UHRF2: variants seen among roughly 807,000 people sequenced by gnomAD.
The protein encoded by UHRF2 is E3 ubiquitin-protein ligase UHRF2.
In UHRF2, 23 loss-of-function variants were observed where a neutral mutation model predicts 96.8. The ratio of observed to expected loss-of-function variants is 0.24; its 90% confidence interval spans 0.17 to 0.34. UHRF2 has a LOEUF of 0.34. Among genes scored for constraint, UHRF2 ranks in the 10% least tolerant of loss-of-function variants. The pLI, the probability that UHRF2 is intolerant of heterozygous loss-of-function variation, is 1.00. For synonymous variants in UHRF2, 385 were observed against 332.6 expected, an observed-to-expected ratio of 1.16 and a Z score of -1.72; for missense variants, 685 against 981.5, an observed-to-expected ratio of 0.70 and a Z score of 4.04.
At chr9:6,488,076 A>G (rs1022654957) in intron 9 of UHRF2, among the ~76,000 whole-genome samples, 2 of 151,006 alleles carry the variant, frequency 1.3e-5, no homozygotes, top group African/African-American at 2.4e-5. Context: ...CCCTGTCCCT[A>G]CCAAAAAAAC....
intron 3 of UHRF2, among the ~76,000 whole-genome samples, chr9:6,445,126 T>A (rs62566133): frequency 6.9e-3 from 4 of 578 alleles, no homozygotes; most frequent in African/African-American, 0.019. Flanking sequence ...CCCTATCTCT[T>A]ATTTAAAAAA....
At chr9:6,488,433 C>T (rs2130933274) in intron 9 of UHRF2, among the ~76,000 whole-genome samples, 1 of 151,386 alleles carries the variant, frequency 6.6e-6, no homozygotes, top group African/African-American at 2.4e-5. Flanking sequence ...TTTATATTAC[C>T]ACAGTTTCCA....
At chr9:6,505,716 G>T (rs145479628) in intron 15 of UHRF2, among the ~76,000 whole-genome samples, 29 of 152,308 alleles carry the variant, frequency 1.9e-4, no homozygotes, top group Admixed American at 4.6e-4. Context: ...GTTTAGAAAG[G>T]ACAGGGTTGA....
intron 2 of UHRF2, among the ~76,000 whole-genome samples, chr9:6,429,263 A>T (rs925712210): frequency 6.6e-6 from 1 of 152,150 alleles, no homozygotes; most frequent in Non-Finnish European, 1.5e-5. Flanking sequence ...TTACCTGTGT[A>T]TCTCTTGAGC....
chr9:6,477,878 A>G lies in UHRF2; in HGVS notation c.1160+70A>G, dbSNP rs183721037. Reference sequence around the variant, plus strand: ...CATGAAATATGTATTTGAACCACCAAAAGTAGATTTCTAAAGATACATAAT... The same window carrying G: ...CATGAAATATGTATTTGAACCACCAGAAGTAGATTTCTAAAGATACATAAT... On this transcript the variant is annotated intron_variant, in intron 6 of 15. Coordinates refer to ENST00000276893, the MANE Select transcript of UHRF2 (RefSeq NM_152896.3). The G allele has an allele frequency of 8.3e-5, 112 of 1,354,626 alleles. No homozygotes were observed. In the East Asian group the frequency reaches 2.2e-3, roughly 27 times the overall value. 83.9% of individuals were successfully genotyped at this position (1,354,626 alleles called of 1,614,324 possible). A position where few individuals can be genotyped will look rare whatever the true frequency, so the allele number is the denominator to read the frequency against.
intron 6 of UHRF2, among the ~76,000 whole-genome samples, chr9:6,478,065 A>G (rs13291472): frequency 0.31 from 47,217 of 152,018 alleles, 9,527 homozygotes; most frequent in African/African-American, 0.57. Flanking sequence ...AAATCTGATC[A>G]TGTTGCTTTG....
At chr9:6,461,583 G>C (rs1822546876) in intron 4 of UHRF2, among the ~76,000 whole-genome samples, 1 of 151,778 alleles carries the variant, frequency 6.6e-6, no homozygotes, top group Non-Finnish European at 1.5e-5. Flanking sequence ...ATGTTGGCCA[G>C]GCTGGTCTCG....
At chr9:6,440,432 A>G (rs530392767) in intron 3 of UHRF2, among the ~76,000 whole-genome samples, 2 of 152,226 alleles carry the variant, frequency 1.3e-5, no homozygotes, top group African/African-American at 4.8e-5. Context: ...TCAAGAGCCC[A>G]AGAGTTAACC....
At chr9:6,500,487 T>C (rs1816228202) in intron 13 of UHRF2, 65 bp from the exon 14 acceptor site, 3 of 1,407,614 alleles carry the variant, frequency 2.1e-6, no homozygotes, top group Middle Eastern at 2.6e-4. Flanking sequence ...AGTTAACTCT[T>C]TTGTTTCATA....
chr9:6,469,435 C>G (rs10975599), intron 4 of UHRF2, among the ~76,000 whole-genome samples: 2 of 151,708 alleles, frequency 1.3e-5, no homozygotes, highest in Non-Finnish European at 2.9e-5. Flanking sequence ...GGAGAATCAC[C>G]TGAACCTGGG....
At chr9:6,417,792 T>C (rs906804640) in intron 1 of UHRF2, among the ~76,000 whole-genome samples, 3 of 152,212 alleles carry the variant, frequency 2.0e-5, no homozygotes, top group African/African-American at 7.2e-5. Flanking sequence ...ACGACATTTT[T>C]TCCTGTCAAA....
intron 14 of UHRF2, among the ~76,000 whole-genome samples, chr9:6,502,058 T>C (rs1230138785): frequency 2.6e-5 from 4 of 152,206 alleles, no homozygotes; most frequent in Admixed American, 2.6e-4. Flanking sequence ...CCTGGACAAG[T>C]TTCATGCCCA....
chr9:6,475,207 G>C (rs1350229241), intron 4 of UHRF2, among the ~76,000 whole-genome samples, 184 bp from the exon 5 acceptor site: 1 of 152,102 alleles, frequency 6.6e-6, no homozygotes, highest in Non-Finnish European at 1.5e-5. Flanking sequence ...CACTATGAAT[G>C]TTAACTAATC....
intron 3 of UHRF2, among the ~76,000 whole-genome samples, chr9:6,453,830 A>C (rs554922377): frequency 2.0e-5 from 3 of 152,142 alleles, no homozygotes; most frequent in African/African-American, 7.2e-5. Flanking sequence ...GCTTGGACCC[A>C]GGAGGCGGAG....
intron 3 of UHRF2, among the ~76,000 whole-genome samples, chr9:6,445,794 G>A (rs758292044): frequency 1.1e-4 from 17 of 151,868 alleles, no homozygotes; most frequent in Non-Finnish European, 2.1e-4. Context: ...AAACTCCTGG[G>A]CTCAAGCAGT....
chr9:6,448,465 C>T (rs559534807), intron 3 of UHRF2, among the ~76,000 whole-genome samples: 4 of 152,272 alleles, frequency 2.6e-5, no homozygotes, highest in Non-Finnish European at 5.9e-5. Flanking sequence ...GCCAGGTGAT[C>T]AGTTTGAAAA....
chr9:6,425,983 T>C (rs559849958), intron 2 of UHRF2, among the ~76,000 whole-genome samples: 10 of 152,338 alleles, frequency 6.6e-5, no homozygotes, highest in Non-Finnish European at 5.9e-5. Flanking sequence ...AGCTGCTGCT[T>C]TTGAATTGAT....
Position 6,429,155 on chromosome 9 carries a change from ACT to A in UHRF2, c.385-4756_385-4755del, listed in dbSNP as rs539055817. On this transcript the variant is annotated intron_variant, in intron 2 of 15. Coordinates refer to ENST00000276893, the MANE Select transcript of UHRF2 (RefSeq NM_152896.3). ...ACTCCAGCCTGGGCAACAGAGCAAG[ACT>A]CTGTCTCAGGAAAAAAAAAAAAAGG... is the stretch of plus-strand genomic sequence containing the variant. 6.4e-3 allele frequency among the ~76,000 whole-genome samples: 970 copies of A among 151,372 alleles called. 6 individuals are homozygous for A. The highest frequency in any genetic ancestry group is 0.022 in the African/African-American group (895 of 41,228).
intron 4 of UHRF2, among the ~76,000 whole-genome samples, chr9:6,472,690 CAGTT>C (rs1343379062): frequency 6.6e-6 from 1 of 152,162 alleles, no homozygotes; most frequent in Non-Finnish European, 1.5e-5. Flanking sequence ...TGACCTGACA[CAGTT>C]AGCTATATTA....
Sources: allele counts gnomAD v4.1 joint callset (sites outside exome capture counted in the v4.1 genomes callset), GRCh38; gene constraint gnomAD v4.1.1; transcripts MANE v1.5; gene names NCBI Gene and HGNC (gene_info 2026-07-23, HGNC 2026-07-21).